Variants in CDK14 observed in about 807,000 individuals in gnomAD.
CDK14 encodes cyclin dependent kinase 14, also known as cyclin-dependent kinase 14.
In CDK14, 34 loss-of-function variants were observed where a neutral mutation model predicts 60.7. That is an observed-to-expected ratio of 0.56 (90% CI 0.43 to 0.75). The LOEUF is 0.75. Ranked by LOEUF, CDK14 falls within the 30% of genes least tolerant of loss-of-function variation. CDK14 has a pLI of 0.00. For missense variants in CDK14, 482 were observed against 564.1 expected (o/e 0.85, Z 1.47); for synonymous variants, 197 against 203.7 (o/e 0.97, Z 0.28).
chr7:90,666,767 C>T (rs1043863347), intron 2 of CDK14, among the ~76,000 whole-genome samples: 4 of 152,132 alleles, frequency 2.6e-5, no homozygotes, highest in Admixed American at 1.3e-4. Context: ...TCCATGACAT[C>T]GTTTCAGTAT....
At chr7:90,938,704 A>G (rs963836804) in intron 8 of CDK14, among the ~76,000 whole-genome samples, 1 of 152,218 alleles carries the variant, frequency 6.6e-6, no homozygotes, top group African/African-American at 2.4e-5. Flanking sequence ...AAAAGTTAGT[A>G]ATGTGTGAAG....
At chr7:90,857,993 A>G (rs1790883057) in intron 5 of CDK14, among the ~76,000 whole-genome samples, 2 of 152,298 alleles carry the variant, frequency 1.3e-5, no homozygotes, top group South Asian at 4.1e-4. Flanking sequence ...CATTATGTTA[A>G]TCTTAAAAGC....
chr7:91,045,731 T>C (rs1293115869), intron 10 of CDK14, among the ~76,000 whole-genome samples, 166 bp from the exon 11 acceptor site: 1 of 152,208 alleles, frequency 6.6e-6, no homozygotes, highest in Non-Finnish European at 1.5e-5. Context: ...CTTGGGTGGC[T>C]CTTTAGCTGG....
At chr7:90,885,520 A>C (rs1012058145) in intron 6 of CDK14, among the ~76,000 whole-genome samples, 3 of 152,230 alleles carry the variant, frequency 2.0e-5, no homozygotes, top group Non-Finnish European at 2.9e-5. Flanking sequence ...TTTCTCAGGG[A>C]TCTAGAACCA....
At chr7:90,747,944 G>T (rs1584852861) in intron 4 of CDK14, among the ~76,000 whole-genome samples, 169 bp downstream of exon 4, 3 of 111,736 alleles carry the variant, frequency 2.7e-5, no homozygotes, top group South Asian at 2.9e-4. Context: ...CATTGGAATT[G>T]GTGTACCCTG....
At chr7:90,893,846 GC>G (rs1368273561) in intron 6 of CDK14, among the ~76,000 whole-genome samples, 24 of 152,132 alleles carry the variant, frequency 1.6e-4, no homozygotes, top group Middle Eastern at 6.8e-3. Context: ...CCATATTCTT[GC>G]CTCTAATCAC....
intron 2 of CDK14, among the ~76,000 whole-genome samples, chr7:90,631,460 A>G (rs761881410): frequency 5.3e-5 from 8 of 152,160 alleles, no homozygotes; most frequent in Non-Finnish European, 8.8e-5. Context: ...TAATGAGTGA[A>G]TAAAAGCAGA....
chr7:90,838,949 C>T (rs749555325), intron 5 of CDK14, among the ~76,000 whole-genome samples: 2 of 152,152 alleles, frequency 1.3e-5, no homozygotes, highest in Non-Finnish European at 2.9e-5. Context: ...TTCATATACC[C>T]CCTCCCCTTT....
intron 10 of CDK14, among the ~76,000 whole-genome samples, chr7:91,022,074 T>C (rs541984695): frequency 6.6e-6 from 1 of 152,314 alleles, no homozygotes; most frequent in African/African-American, 2.4e-5. Context: ...CTTGCTGTTA[T>C]GGCTACCTGT....
chr7:90,640,837 C>T (rs1215730882), intron 2 of CDK14, among the ~76,000 whole-genome samples: 1 of 151,970 alleles, frequency 6.6e-6, no homozygotes, highest in Non-Finnish European at 1.5e-5. Context: ...AAAAATTTTA[C>T]AAATCACATA....
chr7:91,194,424 TG>T (rs1802468587), intron 14 of CDK14, among the ~76,000 whole-genome samples: 1 of 152,138 alleles, frequency 6.6e-6, no homozygotes, highest in Non-Finnish European at 1.5e-5. Context: ...TGGAGCTGAT[TG>T]GGCTGATTTT....
At chr7:90,755,268 G>A (rs1584860077) in intron 4 of CDK14, among the ~76,000 whole-genome samples, 1 of 152,166 alleles carries the variant, frequency 6.6e-6, no homozygotes, top group South Asian at 2.1e-4. Context: ...ATACACCACA[G>A]AATATTGCAC....
chr7:90,897,499 A>G (rs1262715570), intron 6 of CDK14, among the ~76,000 whole-genome samples: 1 of 152,092 alleles, frequency 6.6e-6, no homozygotes, highest in Non-Finnish European at 1.5e-5. Context: ...TTATAGTATA[A>G]TGAGCATTAT....
At chr7:90,653,420 G>T (rs1239076015) in intron 2 of CDK14, among the ~76,000 whole-genome samples, 3 of 151,794 alleles carry the variant, frequency 2.0e-5, no homozygotes, top group Non-Finnish European at 2.9e-5. Context: ...ATTCGCACCT[G>T]TTGGCTCCAT....
chr7:91,048,516 T>A (rs1310064740), intron 11 of CDK14, among the ~76,000 whole-genome samples: 2 of 152,228 alleles, frequency 1.3e-5, no homozygotes, highest in African/African-American at 4.8e-5. Context: ...CTCTGAAGGA[T>A]AAGTTAGGAG....
chr7:91,110,424 A>T (rs893474909), intron 12 of CDK14, among the ~76,000 whole-genome samples: 1 of 152,154 alleles, frequency 6.6e-6, no homozygotes, highest in African/African-American at 2.4e-5. Flanking sequence ...TAATTCTTCG[A>T]GATAATGAAA....
intron 2 of CDK14, among the ~76,000 whole-genome samples, chr7:90,677,091 A>G (rs1801216062): frequency 6.6e-6 from 1 of 152,210 alleles, no homozygotes; most frequent in Non-Finnish European, 1.5e-5. Flanking sequence ...ATGTTCTTCA[A>G]AATTTGATAC....
chr7:90,780,581 C>A (rs1253332446), intron 4 of CDK14, among the ~76,000 whole-genome samples: 1 of 125,156 alleles, frequency 8.0e-6, no homozygotes, highest in African/African-American at 3.0e-5. Flanking sequence ...CCCCCTCCCC[C>A]CACCCCACAA....
intron 5 of CDK14, among the ~76,000 whole-genome samples, chr7:90,808,396 T>C (rs1361651786): frequency 2.0e-5 from 3 of 152,134 alleles, no homozygotes; most frequent in Admixed American, 6.5e-5. Context: ...AATAAAATAC[T>C]TTACAGAAAG....
Sources: allele counts gnomAD v4.1 joint callset (sites outside exome capture counted in the v4.1 genomes callset), GRCh38; gene constraint gnomAD v4.1.1; transcripts MANE v1.5; gene names NCBI Gene and HGNC (gene_info 2026-07-23, HGNC 2026-07-21).